Variants in SH3KBP1 observed in about 807,000 individuals in gnomAD.
SH3KBP1 encodes SH3 domain containing kinase binding protein 1.
SH3KBP1 carries 8 observed loss-of-function variants against 50.1 expected under a neutral mutation model. That is an observed-to-expected ratio of 0.16 (90% CI 0.09 to 0.29). SH3KBP1 has a LOEUF of 0.29. Ranked by LOEUF, SH3KBP1 falls within the 10% of genes least tolerant of loss-of-function variation. The pLI, the probability that SH3KBP1 is intolerant of heterozygous loss-of-function variation, is 1.00. For missense variants in SH3KBP1, 377 were observed against 535.2 expected (o/e 0.70, Z 2.92); for synonymous variants, 227 against 218.6 (o/e 1.04, Z -0.34).
intron 2 of SH3KBP1, among the ~76,000 whole-genome samples, chrX:19,776,366 C>T (rs1357805943): frequency 1.8e-5 from 2 of 109,329 alleles, no homozygotes; most frequent in African/African-American, 6.7e-5. Context: ...ATTCAACTCC[C>T]TGGAGAAAAC....
rs901414438 is a variant in SH3KBP1 at position 19,776,086 on chromosome X, T to C, written c.163-29645A>G. Among the ~76,000 whole-genome samples the C allele has an allele frequency of 9.1e-5, 10 of 110,080 alleles. 1 individual carries two copies. The highest frequency in any genetic ancestry group is 2.0e-4 in the Admixed American group (2 of 10,176). On this transcript the variant is annotated intron_variant, in intron 2 of 17. Coordinates refer to ENST00000397821, the MANE Select transcript of SH3KBP1 (RefSeq NM_031892.3). ...AGTGTGCCAAGAATTCATTCCCCCATCCCCCAAAAGGAATTGGCTACTACA... is the reference window on the plus strand; with the variant it reads ...AGTGTGCCAAGAATTCATTCCCCCACCCCCCAAAAGGAATTGGCTACTACA...
intron 11 of SH3KBP1, among the ~76,000 whole-genome samples, chrX:19,590,809 A>ATTTTTTT (rs34366083): frequency 8.4e-5 from 2 of 23,764 alleles, no homozygotes; most frequent in Non-Finnish European, 1.5e-4. Context: ...AGGCCTGGCT[A>ATTTTTTT]TTTTTTTTTT....
At chrX:19,792,643 G>C (rs1027504709) in intron 2 of SH3KBP1, among the ~76,000 whole-genome samples, 1 of 110,081 alleles carries the variant, frequency 9.1e-6, no homozygotes, top group African/African-American at 3.3e-5. Context: ...TTTCAAGGTC[G>C]TCTTTCCCTC....
intron 1 of SH3KBP1, among the ~76,000 whole-genome samples, chrX:19,838,901 A>AG (rs1333242773): frequency 6.6e-5 from 7 of 106,852 alleles, no homozygotes; most frequent in East Asian, 5.7e-4. Context: ...AAAAAAAAAA[A>AG]AAAAAGAAAA....
intron 11 of SH3KBP1, among the ~76,000 whole-genome samples, chrX:19,590,256 AG>A (rs1477891966): frequency 2.7e-5 from 3 of 112,030 alleles, no homozygotes; most frequent in Non-Finnish European, 5.6e-5. Flanking sequence ...AATGCAAAGC[AG>A]GGGACATTTC....
chrX:19,879,350 G>A (rs1430229607), intron 1 of SH3KBP1, among the ~76,000 whole-genome samples: 1 of 112,019 alleles, frequency 8.9e-6, no homozygotes, highest in African/African-American at 3.2e-5. Flanking sequence ...AAATTGGGCG[G>A]GGCTGGTTCT....
intron 13 of SH3KBP1, among the ~76,000 whole-genome samples, chrX:19,562,654 G>A (rs745447296): frequency 4.5e-5 from 5 of 111,256 alleles, no homozygotes; most frequent in East Asian, 5.7e-4. Flanking sequence ...GAACGAGAGC[G>A]CTGGCCACAG....
intron 7 of SH3KBP1, among the ~76,000 whole-genome samples, chrX:19,642,662 GA>G (rs1852232720): frequency 8.9e-6 from 1 of 111,923 alleles, no homozygotes; most frequent in Admixed American, 9.4e-5. Flanking sequence ...TAATAAGAAA[GA>G]GGGAAACTCC....
intron 3 of SH3KBP1, among the ~76,000 whole-genome samples, chrX:19,741,255 C>G (rs781404763): frequency 5.4e-5 from 6 of 112,125 alleles, no homozygotes; most frequent in African/African-American, 1.9e-4. Context: ...GAGCAACCCT[C>G]CCCCATCTTA....
At chrX:19,844,644 G>C (rs2068313996) in intron 1 of SH3KBP1, among the ~76,000 whole-genome samples, 2 of 111,671 alleles carry the variant, frequency 1.8e-5, no homozygotes, top group African/African-American at 3.3e-5. Flanking sequence ...TGTGGGCCTT[G>C]AGTCCCCTAC....
intron 6 of SH3KBP1, among the ~76,000 whole-genome samples, chrX:19,670,579 C>T (rs1950956113): frequency 9.0e-6 from 1 of 111,231 alleles, no homozygotes; most frequent in Non-Finnish European, 1.9e-5. Context: ...TTGGAAACAT[C>T]TGTAAAAATT....
chrX:19,885,111 C>T (rs1569495102), intron 1 of SH3KBP1, among the ~76,000 whole-genome samples: 2 of 110,717 alleles, frequency 1.8e-5, no homozygotes, highest in African/African-American at 6.6e-5. Context: ...CAGCGAGACC[C>T]TCCCTCTTAA....
At position 19,611,956 on chromosome X, in the gene SH3KBP1, G is replaced by GAAAAAAA. The variant is rs3036638; in HGVS notation, c.898-3918_898-3912dup. Among the ~76,000 whole-genome samples, 94 of 38,012 alleles carry GAAAAAAA rather than the reference G, an allele frequency of 2.5e-3. 1 individual carries two copies. The highest frequency in any genetic ancestry group is 9.0e-3 in the African/African-American group (89 of 9,848). 33.0% of individuals were successfully genotyped at this position (38,012 alleles called of 115,157 possible). A position where few individuals can be genotyped will look rare whatever the true frequency, so the allele number is the denominator to read the frequency against. ...TGATTTAGTGCTACTAGCAGAAGTAGAAAAAAAAAAAAAAAAAAAAAACAA... is the reference window on the plus strand; with the variant it reads ...TGATTTAGTGCTACTAGCAGAAGTAGAAAAAAAAAAAAAAAAAAAAAAAAAAAAACAA... On this transcript the variant is annotated intron_variant, in intron 8 of 17. Transcript: ENST00000397821.
chrX:19,686,332 C>A (rs2063162467), intron 5 of SH3KBP1, among the ~76,000 whole-genome samples: 1 of 111,386 alleles, frequency 9.0e-6, no homozygotes, highest in South Asian at 3.8e-4. Flanking sequence ...TGACTCGTGC[C>A]CATCATGCAC....
intron 8 of SH3KBP1, among the ~76,000 whole-genome samples, chrX:19,631,166 T>C (rs955143328): frequency 4.4e-5 from 5 of 112,550 alleles, no homozygotes; most frequent in African/African-American, 6.5e-5. Context: ...CTTCTTACCA[T>C]ATTTGACCAT....
At chrX:19,650,037 A>G (rs1230601163) in intron 6 of SH3KBP1, among the ~76,000 whole-genome samples, 1 of 111,873 alleles carries the variant, frequency 8.9e-6, no homozygotes, top group African/African-American at 3.3e-5. Flanking sequence ...CTCCTCTCCA[A>G]GAATACCACA....
At chrX:19,682,058 T>C (rs1468015710) in intron 6 of SH3KBP1, among the ~76,000 whole-genome samples, 1 of 109,891 alleles carries the variant, frequency 9.1e-6, no homozygotes, top group East Asian at 2.8e-4. Flanking sequence ...GAGTGGGAGA[T>C]GGCGCTGCCT....
At chrX:19,577,958 A>G (rs1431006025) in intron 12 of SH3KBP1, among the ~76,000 whole-genome samples, 1 of 110,910 alleles carries the variant, frequency 9.0e-6, no homozygotes, top group East Asian at 2.8e-4. Context: ...AGGAGGAAAG[A>G]AAGCTGGGAA....
chrX:19,691,718 G>A (rs1299415636), intron 5 of SH3KBP1, among the ~76,000 whole-genome samples: 1 of 111,166 alleles, frequency 9.0e-6, no homozygotes, highest in African/African-American at 3.3e-5. Context: ...CAAATGAATT[G>A]CAATAAAGAA....
Sources: gnomAD v4.1 joint callset for allele counts (sites outside exome capture counted in the v4.1 genomes callset) on GRCh38, gnomAD v4.1.1 for gene constraint, MANE v1.5 for transcripts, NCBI Gene and HGNC (gene_info 2026-07-23, HGNC 2026-07-21) for gene names.